ZBTB20: variants seen among roughly 807,000 people sequenced by gnomAD.
ZBTB20 encodes zinc finger and BTB domain containing 20.
A neutral mutation model predicts 56.9 loss-of-function variants in ZBTB20; 9 were observed. The ratio of observed to expected loss-of-function variants is 0.16; its 90% CI spans 0.10 to 0.28. The LOEUF (loss-of-function observed/expected upper bound fraction) is 0.28. Among genes scored for constraint, ZBTB20 ranks in the 10% least tolerant of loss-of-function variants. The pLI is 1.00. For missense variants in ZBTB20, 655 were observed against 1,003.0 expected (o/e 0.65, Z 4.69); for synonymous variants, 417 against 420.7 (o/e 0.99, Z 0.11).
intron 3 of ZBTB20, among the ~76,000 whole-genome samples, chr3:114,967,701 A>C (rs1305939865): frequency 6.6e-6 from 1 of 152,182 alleles, no homozygotes; most frequent in Non-Finnish European, 1.5e-5. Context: ...TCACGCCTGT[A>C]ATCTCAACAC....
At chr3:115,129,756 A>G (rs746303614) in intron 1 of ZBTB20, among the ~76,000 whole-genome samples, 17 of 152,218 alleles carry the variant, frequency 1.1e-4, no homozygotes, top group Non-Finnish European at 2.2e-4. Flanking sequence ...CTGTCTCTAT[A>G]CTAGAATAAG....
chr3:115,035,644 T>A (rs1440175814), intron 2 of ZBTB20, among the ~76,000 whole-genome samples: 1 of 152,122 alleles, frequency 6.6e-6, no homozygotes, highest in Non-Finnish European at 1.5e-5. Context: ...AAAAACAGCA[T>A]GGCAGTTTCT....
chr3:114,360,622 A>C, intron 10 of ZBTB20, among the ~76,000 whole-genome samples: 1 of 151,798 alleles, frequency 6.6e-6, no homozygotes, highest in Admixed American at 6.6e-5. Context: ...AAGTGCTGGG[A>C]TTACAGGCGT....
intron 5 of ZBTB20, among the ~76,000 whole-genome samples, chr3:114,708,021 G>T (rs1207250695): frequency 6.6e-6 from 1 of 152,196 alleles, no homozygotes; most frequent in South Asian, 2.1e-4. Context: ...CTAATGCATT[G>T]TGAGTGTTCA....
intron 5 of ZBTB20, among the ~76,000 whole-genome samples, chr3:114,726,182 G>GGA: frequency 6.6e-6 from 1 of 152,146 alleles, no homozygotes; most frequent in African/African-American, 2.4e-5. Flanking sequence ...GGATAATGCA[G>GGA]GAGAGAGAGG....
At chr3:114,697,643 G>GT (rs2063126417) in intron 5 of ZBTB20, among the ~76,000 whole-genome samples, 1 of 151,922 alleles carries the variant, frequency 6.6e-6, no homozygotes, top group Non-Finnish European at 1.5e-5. Flanking sequence ...TACCGGTTAA[G>GT]TGATGTTGCG....
In ZBTB20 at chr3:114,316,113, G is replaced by A. The variant is rs1415607230; in HGVS notation, c.*22892C>T. ...TAGTAGTTTTGTTCAGTTTGTTGTGGGTGACGAGTTTAAAAATGTTTTTCA... is the reference window on the plus strand; with the variant it reads ...TAGTAGTTTTGTTCAGTTTGTTGTGAGTGACGAGTTTAAAAATGTTTTTCA... On this transcript the variant is annotated 3_prime_UTR_variant, in exon 12 of 12. Transcript: ENST00000675478. 3.9e-6 allele frequency: 1 copy of A among 256,564 alleles called. No homozygotes were observed. Among genetic ancestry groups the A allele is most frequent in the Non-Finnish European group, 7.5e-6 (1 of 134,200 alleles). The allele number at this position is 256,564 out of a possible 1,614,324, so 15.9% of individuals were successfully genotyped here.
intron 5 of ZBTB20, among the ~76,000 whole-genome samples, chr3:114,755,419 G>A (rs963354926): frequency 6.6e-6 from 1 of 152,068 alleles, no homozygotes; most frequent in Non-Finnish European, 1.5e-5. Flanking sequence ...AGTAAAAGTG[G>A]AAGAAGAATG....
In ZBTB20 at chr3:114,735,924, C is replaced by T. The variant is rs1258517317; in HGVS notation, c.-342-42349G>A. 2.0e-5 allele frequency among the ~76,000 whole-genome samples: 3 copies of T among 152,288 alleles called. No individual in the cohort carries two copies. In the East Asian group the frequency reaches 5.8e-4, roughly 29 times the overall value. The stretch of plus-strand genomic sequence containing the variant: ...GATCCATTTTCCAAAACCTGAACTA[C>T]ACTCTATGATGGTAACGTTTCAAGT... On this transcript the variant is annotated intron_variant, in intron 5 of 11. Transcript: ENST00000675478.
At chr3:114,995,793 A>G (rs1362327190) in intron 2 of ZBTB20, among the ~76,000 whole-genome samples, 1 of 151,820 alleles carries the variant, frequency 6.6e-6, no homozygotes, top group Non-Finnish European at 1.5e-5. Flanking sequence ...TAATATATTT[A>G]TTTTGTAGGA....
At chr3:114,356,488 C>T (rs1312706936) in intron 10 of ZBTB20, among the ~76,000 whole-genome samples, 1 of 152,144 alleles carries the variant, frequency 6.6e-6, no homozygotes, top group African/African-American at 2.4e-5. Flanking sequence ...TTTGAAGTCT[C>T]TGGACTTGGA....
At chr3:114,524,459 A>G (rs368537386) in intron 6 of ZBTB20, among the ~76,000 whole-genome samples, 45 of 152,270 alleles carry the variant, frequency 3.0e-4, no homozygotes, top group African/African-American at 9.9e-4. Context: ...GTAGAAATGG[A>G]AAGAGTGTTA....
chr3:114,867,191 C>G (rs987827147), intron 4 of ZBTB20, among the ~76,000 whole-genome samples: 2 of 152,108 alleles, frequency 1.3e-5, no homozygotes, highest in Non-Finnish European at 2.9e-5. Flanking sequence ...AATTTTAAAA[C>G]ACGATCTGCA....
rs954594984 is a variant in ZBTB20, at chr3:114,351,565, C to A, written c.513G>T (p.Leu171=). 1.2e-6 allele frequency: 2 copies of A among 1,614,094 alleles called. No homozygotes were observed. Among genetic ancestry groups the A allele is most frequent in the South Asian group, 1.1e-5 (1 of 91,082 alleles). Residue 171 remains leucine, a synonymous_variant, in exon 11 of 12, where the codon CTG becomes CTT. Coordinates refer to ENST00000675478, the MANE Select transcript of ZBTB20 (RefSeq NM_001348800.3). Reference sequence around the variant, plus strand: ...GGATGCTGGCGGCCGTGAGGATCTGCAGAGCTTCCGACTGCGAGACCCGTA... The same window carrying A: ...GGATGCTGGCGGCCGTGAGGATCTGAAGAGCTTCCGACTGCGAGACCCGTA... The part of the protein sequence containing the change: ...GVLRVSQSEA[L]QILTAASILQ...
At chr3:115,085,047 T>G (rs190006074) in intron 1 of ZBTB20, among the ~76,000 whole-genome samples, 4 of 152,118 alleles carry the variant, frequency 2.6e-5, no homozygotes. Flanking sequence ...AAACGATAGT[T>G]CATCTTTTCC....
intron 1 of ZBTB20, among the ~76,000 whole-genome samples, chr3:115,101,603 T>G (rs1254779908): frequency 1.3e-5 from 2 of 152,188 alleles, no homozygotes; most frequent in Non-Finnish European, 2.9e-5. Context: ...GACACCCACC[T>G]TCCTTAATAT....
chr3:114,800,362 C>A (rs2071623521), intron 5 of ZBTB20, among the ~76,000 whole-genome samples: 1 of 151,718 alleles, frequency 6.6e-6, no homozygotes, highest in Non-Finnish European at 1.5e-5. Context: ...GTTATTCAGA[C>A]GTTGAAATCC....
intron 6 of ZBTB20, among the ~76,000 whole-genome samples, chr3:114,519,335 AG>A (rs2046379712): frequency 6.6e-6 from 1 of 152,068 alleles, no homozygotes; most frequent in Admixed American, 6.6e-5. Flanking sequence ...ATGTATCTGC[AG>A]GAAAAAAAAA....
intron 3 of ZBTB20, among the ~76,000 whole-genome samples, chr3:114,906,081 T>C (rs1309133412): frequency 1.3e-5 from 2 of 151,828 alleles, no homozygotes; most frequent in African/African-American, 4.8e-5. Context: ...CTAGATTGTA[T>C]ACTCCATAGA....
Sources: gnomAD v4.1 joint callset for allele counts (sites outside exome capture counted in the v4.1 genomes callset) on GRCh38, gnomAD v4.1.1 for gene constraint, MANE v1.5 for transcripts, NCBI Gene and HGNC (gene_info 2026-07-23, HGNC 2026-07-21) for gene names.